COLGALT2: variants seen among roughly 807,000 people sequenced by gnomAD.
COLGALT2 encodes the protein collagen beta(1-O)galactosyltransferase 2.
Under a neutral mutation model 73.4 loss-of-function variants are expected in COLGALT2, and 49 were observed. That is an observed-to-expected ratio of 0.67 (90% confidence interval 0.53 to 0.85). The LOEUF is 0.85. Ranked by LOEUF, COLGALT2 falls within the 40% of genes least tolerant of loss-of-function variation. The probability of loss-of-function intolerance (pLI) is 0.00; values close to 1 mark genes in which losing one functional copy is unlikely to be tolerated. For synonymous variants in COLGALT2, 295 were observed against 307.6 expected, an observed-to-expected ratio of 0.96 and a Z score of 0.43; for missense variants, 722 against 790.2, an observed-to-expected ratio of 0.91 and a Z score of 1.03.
chr1:183,994,614 C>T (rs1671723681), intron 1 of COLGALT2, among the ~76,000 whole-genome samples: 1 of 152,088 alleles, frequency 6.6e-6, no homozygotes. Flanking sequence ...GCCACCATGC[C>T]CGGCCAATTT....
downstream of COLGALT2, among the ~76,000 whole-genome samples, chr1:183,935,093 T>C (rs1293014915): frequency 6.6e-6 from 1 of 152,214 alleles, no homozygotes; most frequent in Admixed American, 6.5e-5. Flanking sequence ...AGGCAATGCC[T>C]GGACAGCATC....
intron 1 of COLGALT2, among the ~76,000 whole-genome samples, chr1:183,984,276 G>A (rs937346506): frequency 6.6e-6 from 1 of 152,188 alleles, no homozygotes; most frequent in African/African-American, 2.4e-5. Flanking sequence ...GTGGTGGTGT[G>A]TGCCTGTAGT....
chr1:183,973,450 C>T (rs1671104339), intron 4 of COLGALT2, among the ~76,000 whole-genome samples, 166 bp downstream of exon 4: 1 of 152,076 alleles, frequency 6.6e-6, no homozygotes, highest in African/African-American at 2.4e-5. Flanking sequence ...CTGGGTGTAG[C>T]ATTGGACCCA....
chr1:183,943,790 G>A (rs979343388), intron 10 of COLGALT2, among the ~76,000 whole-genome samples: 6 of 152,178 alleles, frequency 3.9e-5, no homozygotes, highest in African/African-American at 1.2e-4. Flanking sequence ...TGTCCCGGGA[G>A]CTGAGTCTTA....
At chr1:184,031,979 C>T (rs1161563181) in intron 1 of COLGALT2, among the ~76,000 whole-genome samples, 1 of 150,098 alleles carries the variant, frequency 6.7e-6, no homozygotes. Flanking sequence ...TTGCTGCAAC[C>T]TCCACCTCCT....
intron 1 of COLGALT2, among the ~76,000 whole-genome samples, chr1:184,031,515 G>A (rs778176463): frequency 6.6e-6 from 1 of 152,186 alleles, no homozygotes; most frequent in Non-Finnish European, 1.5e-5. Context: ...AGAAACACTA[G>A]CGTTCTTATC....
intron 1 of COLGALT2, among the ~76,000 whole-genome samples, chr1:184,019,279 C>T (rs930480671): frequency 1.3e-5 from 2 of 152,150 alleles, no homozygotes; most frequent in Non-Finnish European, 2.9e-5. Flanking sequence ...CCAGGCTGAG[C>T]TGTGCCAAGC....
At chr1:183,941,796 G>A (rs1365661691) in intron 10 of COLGALT2, among the ~76,000 whole-genome samples, 2 of 152,190 alleles carry the variant, frequency 1.3e-5, no homozygotes, top group Non-Finnish European at 1.5e-5. Flanking sequence ...TCCAGTGGAA[G>A]GGAAACTCTT....
intron 10 of COLGALT2, among the ~76,000 whole-genome samples, chr1:183,942,178 G>T (rs1225223112): frequency 6.6e-6 from 1 of 152,052 alleles, no homozygotes; most frequent in Non-Finnish European, 1.5e-5. Flanking sequence ...TCGATCTCCT[G>T]ACCTCGTGAT....
chr1:184,023,021 G>A (rs1166512451), intron 1 of COLGALT2, among the ~76,000 whole-genome samples: 3 of 152,178 alleles, frequency 2.0e-5, no homozygotes, highest in East Asian at 1.9e-4. Flanking sequence ...GTATTTTCTC[G>A]AGATAATTCT....
intron 1 of COLGALT2, among the ~76,000 whole-genome samples, chr1:183,984,713 T>C (rs1671442788): frequency 1.3e-5 from 2 of 152,222 alleles, no homozygotes; most frequent in African/African-American, 2.4e-5. Context: ...CTTACCCTAA[T>C]GCTGCCCATC....
chr1:183,942,557 G>T (rs1670145069), intron 10 of COLGALT2, among the ~76,000 whole-genome samples: 2 of 152,258 alleles, frequency 1.3e-5, no homozygotes, highest in South Asian at 4.2e-4. Context: ...TGATTCCAAT[G>T]ACTTGTTCTA....
Position 183,978,355 on chromosome 1 carries a change from T to G in COLGALT2, c.374+55A>C, listed in dbSNP as rs557639749. On this transcript the variant is annotated intron_variant, in intron 2 of 11. Transcript: ENST00000361927. ...TCCAAACCTGGAAGCCCTAAAGAGCTAGTTAAAGAGGAAGGGTAAATAATG... is the reference window on the plus strand; with the variant it reads ...TCCAAACCTGGAAGCCCTAAAGAGCGAGTTAAAGAGGAAGGGTAAATAATG... The G allele has an allele frequency of 1.5e-5, 14 of 947,626 alleles. No individual in the cohort carries two copies. In the South Asian group the frequency reaches 1.9e-4, roughly 13 times the overall value. The allele number at this position is 947,626 out of a possible 1,614,324, so 58.7% of individuals were successfully genotyped here.
At chr1:183,946,725 T>G (rs1670259017) in intron 8 of COLGALT2, 1 of 152,200 alleles carries the variant, frequency 6.6e-6, no homozygotes, top group South Asian at 2.1e-4. Context: ...GAAGGACATT[T>G]TTTAATGATA....
chr1:184,037,019 T>G, intron 1 of COLGALT2, 76 bp downstream of exon 1: 2 of 1,225,284 alleles, frequency 1.6e-6, no homozygotes, highest in Non-Finnish European at 2.1e-6. Flanking sequence ...CTGCAGCTGC[T>G]GCTCCGGGCG....
chr1:183,997,659 G>A (rs1671806192), intron 1 of COLGALT2, among the ~76,000 whole-genome samples: 1 of 152,216 alleles, frequency 6.6e-6, no homozygotes, highest in South Asian at 2.1e-4. Flanking sequence ...TGGGCTGCAT[G>A]TGGCCCATGG....
chr1:183,963,811 G>A (rs541801372), intron 6 of COLGALT2, 90 bp downstream of exon 6: 45 of 1,331,940 alleles, frequency 3.4e-5, no homozygotes, highest in Non-Finnish European at 4.1e-5. Context: ...ATGGCTGTGA[G>A]ATTCCAATCC....
intron 7 of COLGALT2, among the ~76,000 whole-genome samples, chr1:183,953,145 C>A (rs531092749): frequency 1.3e-5 from 2 of 152,186 alleles, no homozygotes; most frequent in African/African-American, 4.8e-5. Context: ...GAAGTAAAAA[C>A]ACAGATGGCT....
intron 1 of COLGALT2, among the ~76,000 whole-genome samples, chr1:184,034,218 C>A (rs919108679): frequency 1.3e-5 from 2 of 151,798 alleles, no homozygotes; most frequent in Non-Finnish European, 2.9e-5. Flanking sequence ...GACTTGCAGT[C>A]ATTAGACCTG....
Sources: allele counts gnomAD v4.1 joint callset (sites outside exome capture counted in the v4.1 genomes callset), GRCh38; gene constraint gnomAD v4.1.1; transcripts MANE v1.5; gene names NCBI Gene and HGNC (gene_info 2026-07-23, HGNC 2026-07-21).